BRD3: variants seen among roughly 807,000 people sequenced by gnomAD.
BRD3 encodes the protein bromodomain containing 3.
Under a neutral mutation model 66.8 loss-of-function variants are expected in BRD3, and 17 were observed. The observed-to-expected ratio is 0.25, with a 90% CI of 0.17 to 0.38. The LOEUF is 0.38. Among genes scored for constraint, BRD3 ranks in the 10% least tolerant of loss-of-function variants. The pLI is 1.00. For synonymous variants in BRD3, 421 were observed against 393.2 expected (o/e 1.07, Z -0.84); for missense variants, 713 against 956.1 (o/e 0.75, Z 3.35).
rs1335208142 is a variant in BRD3 at position 134,041,818 on chromosome 9, G to A, written c.1349C>T (p.Ser450Leu). The change falls in exon 8 of 12, where the codon TCA becomes TTA. Residue 450 changes from serine (S) to leucine (L), a missense_variant. Ser to Leu is a moderately radical substitution (Grantham distance 145). Coordinates refer to ENST00000303407, the MANE Select transcript of BRD3 (RefSeq NM_007371.4). ...CTCCTCCTCCGAGTCCGAGCTGCCTGAGTCCGAAGAGCTCTCCTCACTGCT... is the reference window on the plus strand; with the variant it reads ...CTCCTCCTCCGAGTCCGAGCTGCCTAAGTCCGAAGAGCTCTCCTCACTGCT... ...SRSSEESSSD[S>L]GSSDSEEERA... is the part of the protein sequence containing the mutation. 1 of 1,612,942 alleles carries A rather than the reference G, an allele frequency of 6.2e-7. No individual in the cohort carries two copies. The highest frequency in any genetic ancestry group is 1.1e-5 in the South Asian group (1 of 90,910).
chr9:134,042,646 T>TATAC (rs1393360128), intron 7 of BRD3, among the ~76,000 whole-genome samples: 4 of 134,766 alleles, frequency 3.0e-5, no homozygotes, highest in African/African-American at 1.2e-4. Context: ...CAAATATATA[T>TATAC]ACACACACAC....
At chr9:134,044,638 A>G (rs1366995932) in intron 7 of BRD3, among the ~76,000 whole-genome samples, 2 of 152,178 alleles carry the variant, frequency 1.3e-5, no homozygotes, top group Non-Finnish European at 2.9e-5. Context: ...ACACCAAAAT[A>G]TGTGTGCGGG....
chr9:134,050,324 A>T (rs749821661), intron 5 of BRD3, 50 bp downstream of exon 5: 1 of 1,559,714 alleles, frequency 6.4e-7, no homozygotes, highest in African/African-American at 1.4e-5. Context: ...TGACCTCAGG[A>T]ACCCTGGCCG....
intron 1 of BRD3, chr9:134,054,331 C>T (rs984274968): frequency 5.9e-5 from 9 of 152,308 alleles, no homozygotes; most frequent in African/African-American, 9.6e-5. Context: ...GACTGGCTAG[C>T]CACAGGCAGG....
intron 1 of BRD3, chr9:134,057,087 G>T (rs1830441016): frequency 6.6e-6 from 1 of 152,284 alleles, no homozygotes; most frequent in Non-Finnish European, 1.5e-5. Context: ...ATGAGATGAG[G>T]CAAACAGCTT....
intron 4 of BRD3, among the ~76,000 whole-genome samples, chr9:134,051,080 G>A (rs1006747892): frequency 6.6e-6 from 1 of 152,186 alleles, no homozygotes; most frequent in Non-Finnish European, 1.5e-5. Context: ...GGATCCTGGG[G>A]CTCACGACAC....
At chr9:134,040,447 G>C (rs1018561999) in intron 8 of BRD3, among the ~76,000 whole-genome samples, 178 bp from the exon 9 acceptor site, 1 of 152,210 alleles carries the variant, frequency 6.6e-6, no homozygotes, top group African/African-American at 2.4e-5. Flanking sequence ...CCCCCAGTGA[G>C]TCATGAGCCC....
Position 134,045,302 on chromosome 9 carries a change from C to T in BRD3, c.1206G>A (p.Arg402=), listed in dbSNP as rs56054682. 1.9e-4 allele frequency: 309 copies of T among 1,613,310 alleles called. No individual in the cohort carries two copies. Among genetic ancestry groups the T allele is most frequent in the Middle Eastern group, 3.3e-4 (2 of 6,084 alleles). The change falls in exon 7 of 12, where the codon CGG becomes CGA. Residue 402 remains arginine, a synonymous_variant. Transcript: ENST00000303407. This position sits in a 1 kb window ranked among gnomAD's most constrained non-coding sequence, Gnocchi z 4.8. ...CCCAGCCTCGGGTTACCTGGAGCTT[C>T]CGGGCCATGGCCACAACCTCGTGGT... ...PPDHEVVAMA[R]KLQDVFEMRF...
rs1375504045 is a variant in BRD3, at chr9:134,031,632, A to G, written c.*1958T>C. 1.9e-5 allele frequency: 4 copies of G among 213,890 alleles called. No individual in the cohort carries two copies. In the East Asian group the frequency reaches 2.8e-4, roughly 15 times the overall value. The allele number at this position is 213,890 out of a possible 1,614,324, so 13.2% of individuals were successfully genotyped here. On this transcript the variant is annotated 3_prime_UTR_variant, in exon 12 of 12. Coordinates refer to ENST00000303407, the MANE Select transcript of BRD3 (RefSeq NM_007371.4). ...AGACTCACCAGCAATTTAAAAAATGATAATTTACCAGCATCTCCTCATCAG... is the reference window on the plus strand; with the variant it reads ...AGACTCACCAGCAATTTAAAAAATGGTAATTTACCAGCATCTCCTCATCAG...
At chr9:134,054,789 G>C (rs1830380168) in intron 1 of BRD3, among the ~76,000 whole-genome samples, 1 of 152,060 alleles carries the variant, frequency 6.6e-6, no homozygotes, top group South Asian at 2.1e-4. Flanking sequence ...TTACACCACA[G>C]CCATGGGCAA....
rs762778847 is a variant in BRD3, at chr9:134,036,538, G to C, written c.1644-214C>G. 3 of 1,608,934 alleles carry C rather than the reference G, an allele frequency of 1.9e-6. No homozygotes were observed. In the East Asian group the frequency reaches 6.7e-5, roughly 36 times the overall value. Reference sequence around the variant, plus strand: ...GGCCAGGAAACAATTACAGAGGTTCGTTCCTCTCTACACCCCATAGGCGTC... The same window carrying C: ...GGCCAGGAAACAATTACAGAGGTTCCTTCCTCTCTACACCCCATAGGCGTC... On this transcript the variant is annotated intron_variant, in intron 9 of 11. Transcript: ENST00000303407.
Position 134,032,406 on chromosome 9 carries a change from G to A in BRD3, c.*1184C>T, listed in dbSNP as rs1167856410. On this transcript the variant is annotated 3_prime_UTR_variant, in exon 12 of 12. Transcript: ENST00000303407. ...AAATTAGAATGTGCTGTAGCTGAAAGCTGTCTATACCTGTAAGCCTCCAAG... is the reference window on the plus strand; with the variant it reads ...AAATTAGAATGTGCTGTAGCTGAAAACTGTCTATACCTGTAAGCCTCCAAG... The A allele has an allele frequency of 1.0e-5, 2 of 197,632 alleles. No homozygotes were observed. Among genetic ancestry groups the A allele is most frequent in the Non-Finnish European group, 2.0e-5 (2 of 101,980 alleles). The allele number at this position is 197,632 out of a possible 1,614,324, so 12.2% of individuals were successfully genotyped here.
In BRD3 at chr9:134,045,027, A is replaced by G. The variant is rs1031658148; in HGVS notation, c.1215+266T>C. ...ACCTGGTACACGCACCAGTCCCTGG[A>G]GGGAAAGACTCACTACTGCGACACC... On this transcript the variant is annotated intron_variant, in intron 7 of 11. Transcript: ENST00000303407. This position sits in a 1 kb window ranked among gnomAD's most constrained non-coding sequence, Gnocchi z 4.8. Among the ~76,000 whole-genome samples the G allele has an allele frequency of 6.6e-6, 1 of 152,168 alleles. No individual in the cohort carries two copies. The highest frequency in any genetic ancestry group is 1.5e-5 in the Non-Finnish European group (1 of 68,038).
chr9:134,066,791 G>A (rs1830667983), intron 1 of BRD3, among the ~76,000 whole-genome samples: 1 of 152,244 alleles, frequency 6.6e-6, no homozygotes, highest in South Asian at 2.1e-4. Context: ...CAAGTTTAAT[G>A]TAAGGGGGAG....
At chr9:134,062,941 C>G (rs1830575838) in intron 1 of BRD3, among the ~76,000 whole-genome samples, 2 of 152,272 alleles carry the variant, frequency 1.3e-5, no homozygotes, top group South Asian at 2.1e-4. Flanking sequence ...GGCCCTGGTG[C>G]TCCGCACTTC....
upstream of BRD3, chr9:134,068,047 G>A (rs1268129369): frequency 1.4e-5 from 2 of 144,480 alleles, no homozygotes; most frequent in Non-Finnish European, 3.1e-5. Flanking sequence ...GAGCCGAGCA[G>A]GGCTCATGCG....
At chr9:134,037,475 G>A (rs2132385662) in intron 9 of BRD3, among the ~76,000 whole-genome samples, 1 of 152,282 alleles carries the variant, frequency 6.6e-6, no homozygotes, top group African/African-American at 2.4e-5. Context: ...GGATGCTGAG[G>A]CAGGAGAATC....
At position 134,033,582 on chromosome 9, in the gene BRD3, A is replaced by G. The variant is rs1261601349; in HGVS notation, c.*8T>C. The G allele has an allele frequency of 1.3e-6, 1 of 754,208 alleles. No homozygotes were observed. The highest frequency in any genetic ancestry group is 2.5e-6 in the Non-Finnish European group (1 of 403,282). The allele number at this position is 754,208 out of a possible 1,614,324, so 46.7% of individuals were successfully genotyped here. Reference sequence around the variant, plus strand: ...ACATCCATCTGTCCTGTTCTGTCCGAAGCCAGTTCATTCTGAGTCACTGCT... The same window carrying G: ...ACATCCATCTGTCCTGTTCTGTCCGGAGCCAGTTCATTCTGAGTCACTGCT... On this transcript the variant is annotated 3_prime_UTR_variant, in exon 12 of 12. Transcript: ENST00000303407. The surrounding 1 kb of genome is among the most constrained non-coding windows in gnomAD (Gnocchi z 5.1).
chr9:134,051,593 A>G lies in BRD3; in HGVS notation c.468T>C (p.Gly156=), dbSNP rs1830297627. ...TCTGGGCTCCCGCAGCCGGCTTCCG[A>G]CCTTTGCCCTTTGGAGCAGGGGGTA... ...ELLPPAPKGK[G]RKPAAGAQSA... The change falls in exon 4 of 12, where the codon GGT becomes GGC. Residue 156 remains glycine, a synonymous_variant. Coordinates refer to ENST00000303407, the MANE Select transcript of BRD3 (RefSeq NM_007371.4). 1 of 1,569,206 alleles carries G rather than the reference A, an allele frequency of 6.4e-7. No individual in the cohort carries two copies. Among genetic ancestry groups the G allele is most frequent in the Non-Finnish European group, 8.6e-7 (1 of 1,165,748 alleles).
Sources: gnomAD v4.1 joint callset for allele counts (sites outside exome capture counted in the v4.1 genomes callset) on GRCh38, gnomAD v4.1.1 for gene constraint, Gnocchi (gnomAD v3.1) non-coding constraint, MANE v1.5 for transcripts, NCBI Gene and HGNC (gene_info 2026-07-23, HGNC 2026-07-21) for gene names.